SLC25A13: variants seen among roughly 807,000 people sequenced by gnomAD.
The protein encoded by SLC25A13 is electrogenic aspartate/glutamate antiporter SLC25A13, mitochondrial.
A neutral mutation model predicts 85.5 loss-of-function variants in SLC25A13; 70 were observed. The ratio of observed to expected loss-of-function variants is 0.82; its 90% CI spans 0.68 to 1.00. The LOEUF (loss-of-function observed/expected upper bound fraction) is 1.00. Among genes scored for constraint, SLC25A13 ranks in the 50% least tolerant of loss-of-function variants. SLC25A13 has a pLI of 0.00. For synonymous variants in SLC25A13, 259 were observed against 288.7 expected (o/e 0.90, Z 1.04); for missense variants, 765 against 819.8 (o/e 0.93, Z 0.82).
intron 14 of SLC25A13, among the ~76,000 whole-genome samples, chr7:96,137,255 C>T (rs1562786844): frequency 6.6e-6 from 1 of 152,158 alleles, no homozygotes; most frequent in African/African-American, 2.4e-5. Flanking sequence ...GTGTTAAAAC[C>T]AAATAAGCCA....
At position 96,203,203 on chromosome 7, in the gene SLC25A13, C is replaced by T. The variant is rs118044131; in HGVS notation, c.468+5635G>A. Among the ~76,000 whole-genome samples, 31 of 152,252 alleles carry T rather than the reference C, an allele frequency of 2.0e-4. No homozygotes were observed. The East Asian group carries it at 5.4e-3, about 27-fold the overall frequency. ...CTTTACACATTCAGGGTTGCCTAGT[C>T]CAGACCAAAGTTTGCCAAAATGTGG... On this transcript the variant is annotated intron_variant, in intron 5 of 17. Transcript: ENST00000265631.
chr7:96,198,875 TG>T (rs1319586091), intron 5 of SLC25A13, among the ~76,000 whole-genome samples: 3 of 152,126 alleles, frequency 2.0e-5, no homozygotes, highest in Admixed American at 2.0e-4. Flanking sequence ...GGGAAAGAGA[TG>T]AGGTGGTTGA....
intron 1 of SLC25A13, among the ~76,000 whole-genome samples, chr7:96,317,824 C>T (rs1367605876): frequency 7.2e-6 from 1 of 139,258 alleles, no homozygotes; most frequent in Non-Finnish European, 1.5e-5. Flanking sequence ...TTTTTTGAGA[C>T]AGGATCTCGT....
chr7:96,129,987 G>C (rs922342815), intron 15 of SLC25A13, among the ~76,000 whole-genome samples: 1 of 152,166 alleles, frequency 6.6e-6, no homozygotes, highest in Admixed American at 6.5e-5. Context: ...TTATCTTAGA[G>C]TAGTGAAATA....
chr7:96,250,739 C>CAA (rs57574466), intron 3 of SLC25A13, among the ~76,000 whole-genome samples: 51 of 118,366 alleles, frequency 4.3e-4, no homozygotes, highest in African/African-American at 1.1e-3. Context: ...AGACCTGTTA[C>CAA]AAAAAAAAAA....
intron 3 of SLC25A13, among the ~76,000 whole-genome samples, chr7:96,253,713 T>C (rs577454923): frequency 2.8e-4 from 42 of 152,182 alleles, no homozygotes; most frequent in African/African-American, 9.4e-4. Flanking sequence ...ATGCAGAACA[T>C]AGGAGCAAGT....
chr7:96,224,913 C>T (rs1280022188), intron 4 of SLC25A13, among the ~76,000 whole-genome samples: 1 of 152,170 alleles, frequency 6.6e-6, no homozygotes, highest in Admixed American at 6.5e-5. Context: ...CAGGATCAGG[C>T]TGCTCTCCCA....
At chr7:96,303,428 T>G (rs537670990) in intron 1 of SLC25A13, among the ~76,000 whole-genome samples, 1 of 152,114 alleles carries the variant, frequency 6.6e-6, no homozygotes, top group Non-Finnish European at 1.5e-5. Context: ...TCCTGCATAG[T>G]CTTTTGAACC....
chr7:96,122,609 G>T (rs1317397854), intron 15 of SLC25A13, among the ~76,000 whole-genome samples: 2 of 152,138 alleles, frequency 1.3e-5, no homozygotes, highest in African/African-American at 2.4e-5. Context: ...TTGGGAGAAG[G>T]AGACTCCTAC....
intron 3 of SLC25A13, among the ~76,000 whole-genome samples, chr7:96,246,136 G>A (rs1797181148): frequency 6.6e-6 from 1 of 152,216 alleles, no homozygotes; most frequent in African/African-American, 2.4e-5. Flanking sequence ...CTGCATGCAA[G>A]GGCACACACT....
chr7:96,294,681 T>C (rs891186120), intron 2 of SLC25A13, among the ~76,000 whole-genome samples: 14 of 151,812 alleles, frequency 9.2e-5, no homozygotes, highest in East Asian at 1.9e-4. Context: ...ATAAAGAACA[T>C]TGCTTTGTTT....
At position 96,146,695 on chromosome 7, in the gene SLC25A13, G is replaced by A. The variant is rs886062526; in HGVS notation, c.1313C>T (p.Ala438Val). The A allele has an allele frequency of 3.7e-6, 6 of 1,614,008 alleles. No individual in the cohort carries two copies. The highest frequency in any genetic ancestry group is 2.2e-5 in the East Asian group (1 of 44,872). ...LAAEILAGGC[A>V]GGSQVIFTNP... Reference sequence around the variant, plus strand: ...TGTGAAAATCACCTGGGAGCCTCCAGCCTAAAAAGAACAAAAAAGATTTAG... The same window carrying A: ...TGTGAAAATCACCTGGGAGCCTCCAACCTAAAAAGAACAAAAAAGATTTAG... Residue 438 changes from alanine to valine, a missense_variant and splice_region_variant, in exon 14 of 18, where the codon GCT becomes GTT. Coordinates refer to ENST00000265631, the MANE Select transcript of SLC25A13 (RefSeq NM_014251.3).
At chr7:96,194,092 C>A (rs556453314) in intron 5 of SLC25A13, among the ~76,000 whole-genome samples, 65 of 152,184 alleles carry the variant, frequency 4.3e-4, no homozygotes, top group African/African-American at 1.5e-3. Context: ...ACACTCTGCT[C>A]ATTTCCCAAA....
At chr7:96,243,639 T>G (rs943953961) in intron 3 of SLC25A13, among the ~76,000 whole-genome samples, 2 of 152,118 alleles carry the variant, frequency 1.3e-5, no homozygotes, top group African/African-American at 4.8e-5. Flanking sequence ...AAGGCTACTT[T>G]GCCTAAAGCG....
intron 13 of SLC25A13, among the ~76,000 whole-genome samples, chr7:96,155,452 T>C (rs1793224421): frequency 6.6e-6 from 1 of 152,204 alleles, no homozygotes; most frequent in Admixed American, 6.5e-5. Flanking sequence ...AGATTATTCC[T>C]ATCGTTCTGC....
chr7:96,243,398 G>T (rs1797065143), intron 3 of SLC25A13, among the ~76,000 whole-genome samples: 1 of 152,184 alleles, frequency 6.6e-6, no homozygotes, highest in South Asian at 2.1e-4. Context: ...ATTTGCAGAT[G>T]GGTGGAGGAT....
rs1799367832 is a variant in SLC25A13, at chr7:96,296,782, A to G, written c.69+116T>C. On this transcript the variant is annotated intron_variant, in intron 2 of 17. Coordinates refer to ENST00000265631, the MANE Select transcript of SLC25A13 (RefSeq NM_014251.3). ...AGGCATGAGCCACCGTGCCGGGCTG[A>G]CACTTTGGGACTTTTTCAAAATATA... is the stretch of plus-strand genomic sequence containing the variant. 6.5e-6 allele frequency: 7 copies of G among 1,078,484 alleles called. No homozygotes were observed. In the Admixed American group the frequency reaches 1.3e-4, roughly 20 times the overall value. The allele number at this position is 1,078,484 out of a possible 1,614,324, so 66.8% of individuals were successfully genotyped here.
At chr7:96,269,559 G>A (rs1345275005) in intron 3 of SLC25A13, among the ~76,000 whole-genome samples, 1 of 152,114 alleles carries the variant, frequency 6.6e-6, no homozygotes, top group African/African-American at 2.4e-5. Context: ...GCTTTCTAAC[G>A]TCCCGGAAAA....
intron 13 of SLC25A13, among the ~76,000 whole-genome samples, chr7:96,148,997 G>T (rs1232612894): frequency 6.6e-6 from 1 of 152,200 alleles, no homozygotes; most frequent in Non-Finnish European, 1.5e-5. Context: ...CTCCATAGAT[G>T]CATGTTACAA....
Sources: allele counts gnomAD v4.1 joint callset (sites outside exome capture counted in the v4.1 genomes callset), GRCh38; gene constraint gnomAD v4.1.1; transcripts MANE v1.5; gene names NCBI Gene and HGNC (gene_info 2026-07-23, HGNC 2026-07-21).